ACVR1C: variants seen among roughly 807,000 people sequenced by gnomAD.
ACVR1C encodes the protein activin receptor type-1C.
ACVR1C carries 23 observed loss-of-function variants against 57.9 expected under a neutral mutation model. The observed-to-expected ratio is 0.40, with a 90% CI of 0.29 to 0.56. The LOEUF (loss-of-function observed/expected upper bound fraction) is 0.56, where lower values mean the gene tolerates loss of function less well. Among genes scored for constraint, ACVR1C ranks in the 20% least tolerant of loss-of-function variants. The pLI is 0.50. For synonymous variants in ACVR1C, 214 were observed against 215.3 expected (o/e 0.99, Z 0.05); for missense variants, 480 against 607.9 (o/e 0.79, Z 2.21).
chr2:157,544,063 G>A (rs1293245521), intron 5 of ACVR1C, among the ~76,000 whole-genome samples: 1 of 139,616 alleles, frequency 7.2e-6, no homozygotes, highest in Admixed American at 7.3e-5. Context: ...TTTTGAGACA[G>A]GGTCTCGTTC....
At chr2:157,587,101 A>C (rs1688941285) in intron 2 of ACVR1C, 86 bp downstream of exon 2, 1 of 1,203,082 alleles carries the variant, frequency 8.3e-7, no homozygotes, top group Non-Finnish European at 1.2e-6. Context: ...CTATTTAAAG[A>C]AACATAAGAC....
At chr2:157,609,706 T>C (rs1311268587) in intron 1 of ACVR1C, among the ~76,000 whole-genome samples, 1 of 152,072 alleles carries the variant, frequency 6.6e-6, no homozygotes, top group African/African-American at 2.4e-5. Flanking sequence ...AATTATATAA[T>C]AACATTCTTT....
At chr2:157,536,201 G>A (rs1687483529) in intron 8 of ACVR1C, among the ~76,000 whole-genome samples, 1 of 152,134 alleles carries the variant, frequency 6.6e-6, no homozygotes, top group Admixed American at 6.5e-5. Flanking sequence ...TGCATCTAAT[G>A]AGTTCTCCAA....
In ACVR1C at chr2:157,531,906, A is replaced by T. The variant is rs1687357757; in HGVS notation, c.*2012T>A. The T allele has an allele frequency of 6.6e-6, 1 of 151,890 alleles. No homozygotes were observed. Among genetic ancestry groups the T allele is most frequent in the African/African-American group, 2.4e-5 (1 of 41,364 alleles). 9.4% of individuals were successfully genotyped at this position (151,890 alleles called of 1,614,324 possible). A position where few individuals can be genotyped will look rare whatever the true frequency, so the allele number is the denominator to read the frequency against. On this transcript the variant is annotated 3_prime_UTR_variant, in exon 9 of 9. Coordinates refer to ENST00000243349, the MANE Select transcript of ACVR1C (RefSeq NM_145259.3). ...GTCAATTTAATCTCTTCCCCCACAC[A>T]CTCACATCCCTATTCCCATTCCCAA... is the stretch of plus-strand genomic sequence containing the variant.
intron 1 of ACVR1C, among the ~76,000 whole-genome samples, chr2:157,615,536 G>A (rs781776697): frequency 8.6e-5 from 13 of 151,924 alleles, no homozygotes; most frequent in Non-Finnish European, 1.6e-4. Flanking sequence ...AACCATACCT[G>A]GCTAATTTTT....
chr2:157,575,098 A>G (rs899596000), intron 2 of ACVR1C, among the ~76,000 whole-genome samples: 1 of 150,732 alleles, frequency 6.6e-6, no homozygotes, highest in Non-Finnish European at 1.5e-5. Flanking sequence ...AGTAGCTGGG[A>G]CTACAAGTGT....
At chr2:157,591,623 C>T (rs976488355) in intron 1 of ACVR1C, among the ~76,000 whole-genome samples, 7 of 152,050 alleles carry the variant, frequency 4.6e-5, no homozygotes, top group Non-Finnish European at 1.0e-4. Context: ...CACACAATCT[C>T]AAACCATTTG....
At chr2:157,552,295 G>A (rs1199736042) in intron 3 of ACVR1C, among the ~76,000 whole-genome samples, 1 of 152,102 alleles carries the variant, frequency 6.6e-6, no homozygotes, top group Non-Finnish European at 1.5e-5. Flanking sequence ...ACCATACCCA[G>A]CTAATTTTTG....
chr2:157,544,836 T>G (rs1687711825), intron 4 of ACVR1C, among the ~76,000 whole-genome samples: 1 of 152,206 alleles, frequency 6.6e-6, no homozygotes, highest in South Asian at 2.1e-4. Flanking sequence ...AATAGAAAGT[T>G]GTGAGGTTGT....
rs148852312 is a variant in ACVR1C, at chr2:157,577,370, C to T, written c.304+9817G>A. Among the ~76,000 whole-genome samples the T allele has an allele frequency of 1.9e-3, 293 of 152,044 alleles. 2 individuals are homozygous for T. The highest frequency in any genetic ancestry group is 3.1e-3 in the Non-Finnish European group (214 of 67,990). Reference sequence around the variant, plus strand: ...ACAGTGGTATGCTGAAATCTCCCTCCGAGATTGTGGACTTCTCTATTTATC... The same window carrying T: ...ACAGTGGTATGCTGAAATCTCCCTCTGAGATTGTGGACTTCTCTATTTATC... On this transcript the variant is annotated intron_variant, in intron 2 of 8. Transcript: ENST00000243349.
intron 2 of ACVR1C, among the ~76,000 whole-genome samples, chr2:157,572,763 G>C (rs951905048): frequency 1.3e-5 from 2 of 152,060 alleles, no homozygotes; most frequent in African/African-American, 4.8e-5. Context: ...ACTTTTAGAT[G>C]CTTATATTTC....
intron 1 of ACVR1C, among the ~76,000 whole-genome samples, chr2:157,627,789 T>A (rs1396286710): frequency 6.6e-6 from 1 of 152,244 alleles, no homozygotes; most frequent in Non-Finnish European, 1.5e-5. Context: ...GAAAATAGTT[T>A]TCGAGGTAAA....
intron 1 of ACVR1C, among the ~76,000 whole-genome samples, chr2:157,596,802 C>A (rs954335826): frequency 6.6e-6 from 1 of 152,140 alleles, no homozygotes; most frequent in African/African-American, 2.4e-5. Context: ...TACTTTACTA[C>A]ATGCCAAACT....
chr2:157,597,598 C>T (rs1339997347), intron 1 of ACVR1C: 1 of 984,148 alleles, frequency 1.0e-6, no homozygotes, highest in African/African-American at 1.7e-5. Context: ...CCGGCGCACC[C>T]GGGTACCATC....
chr2:157,566,235 T>A (rs1004528274), intron 2 of ACVR1C, among the ~76,000 whole-genome samples: 2 of 152,202 alleles, frequency 1.3e-5, no homozygotes, highest in Non-Finnish European at 2.9e-5. Flanking sequence ...CATATCTCAA[T>A]CTCTCTGTTT....
In ACVR1C at chr2:157,527,058, A is replaced by G. The variant is rs1412530446; in HGVS notation, c.*6860T>C. ...AGTTTTTAATAAATTCTAAAACACTATTATTTCTAAATAAAATAAGTCTAT... is the reference window on the plus strand; with the variant it reads ...AGTTTTTAATAAATTCTAAAACACTGTTATTTCTAAATAAAATAAGTCTAT... On this transcript the variant is annotated 3_prime_UTR_variant, in exon 9 of 9. Transcript: ENST00000243349. 2 of 152,188 alleles carry G rather than the reference A, an allele frequency of 1.3e-5. No homozygotes were observed. The highest frequency in any genetic ancestry group is 2.9e-5 in the Non-Finnish European group (2 of 68,018). The allele number at this position is 152,188 out of a possible 1,614,324, so 9.4% of individuals were successfully genotyped here.
intron 3 of ACVR1C, among the ~76,000 whole-genome samples, chr2:157,551,833 T>G (rs1461568650): frequency 6.6e-6 from 1 of 152,188 alleles, no homozygotes; most frequent in Non-Finnish European, 1.5e-5. Context: ...CACTGTTCAT[T>G]CACATGTTCT....
intron 2 of ACVR1C, among the ~76,000 whole-genome samples, chr2:157,578,779 C>A (rs1412683591): frequency 1.3e-5 from 2 of 152,112 alleles, no homozygotes; most frequent in African/African-American, 2.4e-5. Context: ...CTTTTCACTT[C>A]TTGCTATTGA....
intron 1 of ACVR1C, among the ~76,000 whole-genome samples, chr2:157,606,108 C>G (rs369676214): frequency 2.6e-5 from 4 of 151,806 alleles, no homozygotes; most frequent in South Asian, 2.1e-4. Context: ...CCAGTTCCAT[C>G]ATGTTGCTGC....
Sources: allele counts gnomAD v4.1 joint callset (sites outside exome capture counted in the v4.1 genomes callset), GRCh38; gene constraint gnomAD v4.1.1; transcripts MANE v1.5; gene names NCBI Gene and HGNC (gene_info 2026-07-23, HGNC 2026-07-21).